Variants in ENTREP2 observed in about 807,000 individuals in gnomAD.
The protein encoded by ENTREP2 is endosomal transmembrane epsin interactor 2.
At chr15:29,173,067 A>C in the ENTREP2 span, among the ~76,000 whole-genome samples, 2 of 152,158 alleles carry the variant, frequency 1.3e-5, no homozygotes, top group African/African-American at 4.8e-5. Flanking sequence ...CCAGCCCCCA[A>C]GTACACATCG....
chr15:29,230,793 T>C, the ENTREP2 span, among the ~76,000 whole-genome samples: 6 of 152,206 alleles, frequency 3.9e-5, no homozygotes, highest in South Asian at 4.1e-4. Context: ...GACAAGATTA[T>C]TGACATAGAA....
the ENTREP2 span, chr15:29,381,663 C>T: frequency 2.4e-6 from 2 of 833,218 alleles, no homozygotes; most frequent in African/African-American, 1.7e-5. Flanking sequence ...AGCTCTGCTT[C>T]CCGCTGCCTG....
the ENTREP2 span, among the ~76,000 whole-genome samples, chr15:29,356,467 A>G: frequency 6.6e-6 from 1 of 150,658 alleles, no homozygotes; most frequent in South Asian, 2.1e-4. Flanking sequence ...TACCACACCC[A>G]GCTAATTTTT....
the ENTREP2 span, among the ~76,000 whole-genome samples, chr15:29,472,104 C>T: frequency 5.3e-5 from 8 of 152,150 alleles, 1 homozygote; most frequent in Non-Finnish European, 1.2e-4. Flanking sequence ...CAATCTTCCC[C>T]CAAGAAATGC....
At chr15:29,383,895 C>T in the ENTREP2 span, among the ~76,000 whole-genome samples, 2 of 152,174 alleles carry the variant, frequency 1.3e-5, no homozygotes, top group South Asian at 2.1e-4. Context: ...CAGTTACCGG[C>T]GACAGACATT....
the ENTREP2 span, among the ~76,000 whole-genome samples, chr15:29,179,755 T>G: frequency 1.3e-5 from 2 of 151,844 alleles, no homozygotes; most frequent in African/African-American, 4.8e-5. Flanking sequence ...TAATTTTTTT[T>G]TTTGTATTTT....
the ENTREP2 span, among the ~76,000 whole-genome samples, chr15:29,621,585 T>G: frequency 2.8e-5 from 1 of 35,838 alleles, no homozygotes; most frequent in African/African-American, 1.5e-4. Flanking sequence ...GGATGGCCAC[T>G]ATCAAAAAAA....
chr15:29,491,993 T>G, the ENTREP2 span, among the ~76,000 whole-genome samples: 3 of 152,166 alleles, frequency 2.0e-5, no homozygotes, highest in African/African-American at 7.2e-5. Flanking sequence ...TTAACTTTTT[T>G]GCAATCACAC....
chr15:29,400,315 G>A, the ENTREP2 span, among the ~76,000 whole-genome samples: 1 of 152,222 alleles, frequency 6.6e-6, no homozygotes, highest in South Asian at 2.1e-4. Context: ...AAGCAAAAAG[G>A]CAGAATATCT....
the ENTREP2 span, among the ~76,000 whole-genome samples, chr15:29,340,750 C>G: frequency 6.6e-6 from 1 of 152,186 alleles, no homozygotes; most frequent in Admixed American, 6.5e-5. Context: ...TAATGGAGAT[C>G]TGGCAAGGTG....
chr15:29,497,378 G>C, the ENTREP2 span, among the ~76,000 whole-genome samples: 1 of 152,130 alleles, frequency 6.6e-6, no homozygotes, highest in African/African-American at 2.4e-5. Context: ...GAATTCATCA[G>C]TGAAGCCATC....
chr15:29,277,345 G>GA, the ENTREP2 span, among the ~76,000 whole-genome samples: 14,535 of 123,508 alleles, frequency 0.12, 1,905 homozygotes, highest in African/African-American at 0.33. Context: ...CCGTCTCAAA[G>GA]AAAAAAAAAA....
At chr15:29,657,913 T>C in the ENTREP2 span, among the ~76,000 whole-genome samples, 3 of 152,150 alleles carry the variant, frequency 2.0e-5, no homozygotes, top group African/African-American at 7.2e-5. Context: ...AAAAAAGGAA[T>C]GAACTACAGA....
chr15:29,288,271 G>A, the ENTREP2 span, among the ~76,000 whole-genome samples: 2 of 152,292 alleles, frequency 1.3e-5, no homozygotes, highest in Non-Finnish European at 2.9e-5. Flanking sequence ...GTATACGTGC[G>A]TGTGTGCATA....
the ENTREP2 span, among the ~76,000 whole-genome samples, chr15:29,419,253 A>C: frequency 1.3e-4 from 20 of 152,204 alleles, no homozygotes; most frequent in African/African-American, 4.6e-4. Flanking sequence ...GAATAAAATA[A>C]ATGAAAAGAA....
chr15:29,488,586 A>T, the ENTREP2 span, among the ~76,000 whole-genome samples: 1 of 152,246 alleles, frequency 6.6e-6, no homozygotes, highest in Non-Finnish European at 1.5e-5. Flanking sequence ...TTCAAGTGAG[A>T]TGAATACAAA....
chr15:29,223,408 GCTCT>G, the ENTREP2 span, among the ~76,000 whole-genome samples: 17 of 152,044 alleles, frequency 1.1e-4, no homozygotes, highest in South Asian at 2.1e-4. Context: ...AGCTCCAATG[GCTCT>G]CTATCTTCCA....
the ENTREP2 span, among the ~76,000 whole-genome samples, chr15:29,487,303 T>C: frequency 3.9e-5 from 6 of 152,180 alleles, no homozygotes; most frequent in Admixed American, 2.6e-4. Context: ...CCCCAGTCTT[T>C]CACCTCTGGA....
the ENTREP2 span, among the ~76,000 whole-genome samples, chr15:29,656,726 ACTCT>A: frequency 6.6e-6 from 1 of 152,048 alleles, no homozygotes; most frequent in African/African-American, 2.4e-5. Context: ...GGTGCAACAG[ACTCT>A]CTCATATCTT....
Sources: gnomAD v4.1 joint callset for allele counts (sites outside exome capture counted in the v4.1 genomes callset) on GRCh38, gnomAD v4.1.1 for gene constraint, MANE v1.5 for transcripts, NCBI Gene and HGNC (gene_info 2026-07-23, HGNC 2026-07-21) for gene names.